The following LRP1B variants were observed in gnomAD, a reference collection of about 807,000 sequenced individuals.
LRP1B encodes the protein LDL receptor related protein 1B, also known as low-density lipoprotein receptor-related protein 1B.
In LRP1B, 217 loss-of-function variants were observed where a neutral mutation model predicts 556.6. That is an observed-to-expected ratio of 0.39 (90% CI 0.35 to 0.44). The LOEUF (loss-of-function observed/expected upper bound fraction) is 0.44, where lower values mean the gene tolerates loss of function less well. Ranked by LOEUF, LRP1B falls within the 20% of genes least tolerant of loss-of-function variation. The pLI is 1.00. For missense variants in LRP1B, 5,053 were observed against 5,620.8 expected, an observed-to-expected ratio of 0.90 and a Z score of 3.23; for synonymous variants, 2,047 against 1,865.8, an observed-to-expected ratio of 1.10 and a Z score of -2.50.
intron 2 of LRP1B, among the ~76,000 whole-genome samples, chr2:141,676,562 G>C (rs543154744): frequency 6.6e-6 from 1 of 152,168 alleles, no homozygotes; most frequent in Admixed American, 6.5e-5. Flanking sequence ...ATCATCAAAA[G>C]TTTCTTCATG....
At chr2:140,574,170 T>C (rs1270110640) in intron 43 of LRP1B, among the ~76,000 whole-genome samples, 3 of 152,138 alleles carry the variant, frequency 2.0e-5, no homozygotes, top group African/African-American at 7.2e-5. Flanking sequence ...AAGTATTCCA[T>C]GAAATGTTGT....
At chr2:141,783,213 C>T (rs1239227107) in intron 2 of LRP1B, among the ~76,000 whole-genome samples, 2 of 152,066 alleles carry the variant, frequency 1.3e-5, no homozygotes, top group East Asian at 1.9e-4. Context: ...TAGCACTCTC[C>T]TGCTCTTAGG....
At chr2:141,556,470 C>A (rs79560600) in intron 2 of LRP1B, among the ~76,000 whole-genome samples, 1 of 151,874 alleles carries the variant, frequency 6.6e-6, no homozygotes, top group Non-Finnish European at 1.5e-5. Flanking sequence ...GGTACATTCA[C>A]CATCTGCATG....
intron 1 of LRP1B, among the ~76,000 whole-genome samples, chr2:142,118,106 G>A (rs1003191416): frequency 2.6e-5 from 4 of 152,004 alleles, no homozygotes; most frequent in African/African-American, 9.7e-5. Flanking sequence ...GAAGAAAAAG[G>A]GCAGGATTCC....
intron 46 of LRP1B, among the ~76,000 whole-genome samples, chr2:140,534,557 A>G (rs958641620): frequency 8.5e-5 from 13 of 152,196 alleles, no homozygotes; most frequent in Admixed American, 2.0e-4. Flanking sequence ...AAGGAAATAA[A>G]GCAACAAAGC....
chr2:141,779,636 T>C (rs1558870424), intron 2 of LRP1B, among the ~76,000 whole-genome samples: 1 of 152,016 alleles, frequency 6.6e-6, no homozygotes, highest in Non-Finnish European at 1.5e-5. Flanking sequence ...ACTTTTAAAA[T>C]GGTTATTCCA....
At chr2:141,787,090 AT>A (rs1479398470) in intron 2 of LRP1B, among the ~76,000 whole-genome samples, 5 of 151,988 alleles carry the variant, frequency 3.3e-5, no homozygotes, top group Non-Finnish European at 7.4e-5. Context: ...TAGGGATAAT[AT>A]CAAGTGCTGG....
At chr2:140,741,908 G>A (rs1688154554) in intron 35 of LRP1B, among the ~76,000 whole-genome samples, 1 of 152,090 alleles carries the variant, frequency 6.6e-6, no homozygotes, top group Admixed American at 6.6e-5. Context: ...ATAGCCTCCA[G>A]CTCCATTCAT....
intron 2 of LRP1B, among the ~76,000 whole-genome samples, chr2:141,794,619 A>G (rs1470885656): frequency 6.6e-6 from 1 of 152,036 alleles, no homozygotes; most frequent in African/African-American, 2.4e-5. Context: ...TGTATATTTT[A>G]TGATACATAA....
intron 3 of LRP1B, among the ~76,000 whole-genome samples, chr2:141,438,089 A>T (rs1367662098): frequency 6.6e-6 from 1 of 152,132 alleles, no homozygotes; most frequent in East Asian, 1.9e-4. Context: ...GATATTTCTA[A>T]ATTAACATTT....
At chr2:142,039,831 T>C (rs558098247) in intron 1 of LRP1B, among the ~76,000 whole-genome samples, 1 of 151,706 alleles carries the variant, frequency 6.6e-6, no homozygotes, top group Admixed American at 6.6e-5. Context: ...ATTGAAGTCA[T>C]TGCTAAAGTG....
intron 20 of LRP1B, among the ~76,000 whole-genome samples, chr2:140,930,876 T>C (rs1473836524): frequency 6.6e-6 from 1 of 152,106 alleles, no homozygotes; most frequent in East Asian, 1.9e-4. Flanking sequence ...GCCCTGACAC[T>C]ACTTAGAAGC....
At chr2:141,602,959 T>C (rs1019970271) in intron 2 of LRP1B, among the ~76,000 whole-genome samples, 7 of 152,212 alleles carry the variant, frequency 4.6e-5, no homozygotes, top group Non-Finnish European at 7.3e-5. Context: ...GATTATCTCA[T>C]TGATTTTAAC....
At chr2:141,298,615 A>T (rs1026174761) in intron 3 of LRP1B, among the ~76,000 whole-genome samples, 5 of 152,114 alleles carry the variant, frequency 3.3e-5, no homozygotes, top group African/African-American at 7.2e-5. Context: ...ATTCCTGTGC[A>T]TCTTTTCCTT....
chr2:141,672,984 TG>T (rs1690731227), intron 2 of LRP1B, among the ~76,000 whole-genome samples: 2 of 152,186 alleles, frequency 1.3e-5, no homozygotes, highest in Admixed American at 1.3e-4. Flanking sequence ...AAGTCTCCTA[TG>T]GGTATCATTA....
At chr2:140,468,276 A>G (rs1168556104) in intron 60 of LRP1B, among the ~76,000 whole-genome samples, 3 of 152,152 alleles carry the variant, frequency 2.0e-5, no homozygotes, top group Admixed American at 1.3e-4. Context: ...AGGTTCACAT[A>G]CTGCAATTTC....
chr2:141,342,525 T>C (rs1352722839), intron 3 of LRP1B, among the ~76,000 whole-genome samples: 1 of 151,860 alleles, frequency 6.6e-6, no homozygotes, highest in East Asian at 2.0e-4. Flanking sequence ...GAGAAGAACA[T>C]GAATGACCTG....
intron 41 of LRP1B, among the ~76,000 whole-genome samples, chr2:140,603,052 T>G (rs557438969): frequency 6.6e-6 from 1 of 152,046 alleles, no homozygotes; most frequent in Non-Finnish European, 1.5e-5. Context: ...TAATGGTTAC[T>G]ACTTAACCTC....
intron 47 of LRP1B, among the ~76,000 whole-genome samples, chr2:140,531,731 C>T (rs996458164): frequency 1.3e-5 from 2 of 152,092 alleles, no homozygotes; most frequent in African/African-American, 2.4e-5. Context: ...CTCTTGCTTT[C>T]CTCTACTGTT....
Sources: allele counts gnomAD v4.1 joint callset (sites outside exome capture counted in the v4.1 genomes callset), GRCh38; gene constraint gnomAD v4.1.1; transcripts MANE v1.5; gene names NCBI Gene and HGNC (gene_info 2026-07-23, HGNC 2026-07-21).